Variants in CNTN4 observed in about 807,000 individuals in gnomAD.
The protein encoded by CNTN4 is contactin-4.
CNTN4 carries 77 observed loss-of-function variants against 122.5 expected under a neutral mutation model. The ratio of observed to expected loss-of-function variants is 0.63; its 90% CI spans 0.52 to 0.76. The LOEUF (loss-of-function observed/expected upper bound fraction) is 0.76. Ranked by LOEUF, CNTN4 falls within the 30% of genes least tolerant of loss-of-function variation. CNTN4 has a pLI of 0.00. For missense variants in CNTN4, 1,256 were observed against 1,259.1 expected, an observed-to-expected ratio of 1.00 and a Z score of 0.04; for synonymous variants, 512 against 447.0, an observed-to-expected ratio of 1.15 and a Z score of -1.83.
At chr3:2,632,084 A>G (rs4685538) in intron 4 of CNTN4, among the ~76,000 whole-genome samples, 49 of 126,778 alleles carry the variant, frequency 3.9e-4, no homozygotes, top group Non-Finnish European at 3.5e-4. Flanking sequence ...ACACACACAC[A>G]CGTGTGTGTA....
chr3:2,463,058 A>C (rs1015019714), intron 3 of CNTN4, among the ~76,000 whole-genome samples: 7 of 152,184 alleles, frequency 4.6e-5, no homozygotes, highest in Non-Finnish European at 1.0e-4. Context: ...CTTTTAAGGA[A>C]TGAAGTTGTT....
intron 6 of CNTN4, among the ~76,000 whole-genome samples, chr3:2,811,452 ATTATTTAT>A (rs146081354): frequency 6.8e-6 from 1 of 146,418 alleles, no homozygotes; most frequent in Non-Finnish European, 1.5e-5. Context: ...TTTTTATTTT[ATTATTTAT>A]TTATTTATTT....
At chr3:2,677,292 C>T (rs1301494662) in intron 4 of CNTN4, among the ~76,000 whole-genome samples, 3 of 149,650 alleles carry the variant, frequency 2.0e-5, no homozygotes, top group Non-Finnish European at 3.0e-5. Flanking sequence ...GAACACCAGA[C>T]ATCCAGTGAA....
At chr3:2,677,219 A>C (rs2728013) in intron 4 of CNTN4, among the ~76,000 whole-genome samples, 240 of 150,222 alleles carry the variant, frequency 1.6e-3, no homozygotes, top group African/African-American at 5.6e-3. Context: ...GTATATATAT[A>C]TCTATATAGA....
chr3:2,814,119 A>G (rs1031873732), intron 6 of CNTN4, among the ~76,000 whole-genome samples: 1 of 152,234 alleles, frequency 6.6e-6, no homozygotes. Context: ...CTGCCACACA[A>G]TTGTACAATC....
At chr3:2,901,948 T>C (rs191163760) in intron 11 of CNTN4, among the ~76,000 whole-genome samples, 1 of 152,270 alleles carries the variant, frequency 6.6e-6, no homozygotes, top group Admixed American at 6.5e-5. Flanking sequence ...AGGAGTGAAC[T>C]CAGTGAGACC....
chr3:3,030,833 C>T (rs991595397), intron 15 of CNTN4, 22 bp from the exon 16 acceptor site: 1 of 1,613,508 alleles, frequency 6.2e-7, no homozygotes, highest in African/African-American at 1.3e-5. Context: ...GTAATTGCAG[C>T]CACTTTCCCC....
At chr3:2,288,458 C>G (rs1033625990) in intron 2 of CNTN4, among the ~76,000 whole-genome samples, 1 of 152,066 alleles carries the variant, frequency 6.6e-6, no homozygotes, top group African/African-American at 2.4e-5. Context: ...TGGCACTAAG[C>G]CATTTTTGAG....
chr3:2,187,044 G>GT (rs1423197482), intron 2 of CNTN4, among the ~76,000 whole-genome samples: 6 of 152,160 alleles, frequency 3.9e-5, no homozygotes, highest in Admixed American at 3.3e-4. Context: ...TTCTTCTAAG[G>GT]TTTTTTATGG....
chr3:2,924,038 A>C (rs1192890295), intron 12 of CNTN4, among the ~76,000 whole-genome samples: 1 of 152,086 alleles, frequency 6.6e-6, no homozygotes, highest in African/African-American at 2.4e-5. Flanking sequence ...TTCCCTCATA[A>C]ATCTGAGGTA....
At chr3:2,716,327 T>C (rs1360804047) in intron 4 of CNTN4, among the ~76,000 whole-genome samples, 6 of 151,226 alleles carry the variant, frequency 4.0e-5, no homozygotes, top group Non-Finnish European at 8.8e-5. Context: ...TATTATATGA[T>C]ATATCTAATA....
intron 2 of CNTN4, among the ~76,000 whole-genome samples, chr3:2,104,870 G>C (rs2032303462): frequency 6.6e-6 from 1 of 152,178 alleles, no homozygotes; most frequent in Non-Finnish European, 1.5e-5. Flanking sequence ...TTGGTTATTT[G>C]CCAAATAAAT....
intron 2 of CNTN4, among the ~76,000 whole-genome samples, chr3:2,285,139 G>A (rs1407263071): frequency 2.0e-5 from 3 of 151,976 alleles, no homozygotes; most frequent in Non-Finnish European, 4.4e-5. Flanking sequence ...ATTCAAAAAT[G>A]GTGGTAACTA....
chr3:2,284,941 T>C (rs184766155), intron 2 of CNTN4, among the ~76,000 whole-genome samples: 1 of 152,090 alleles, frequency 6.6e-6, no homozygotes, highest in Non-Finnish European at 1.5e-5. Flanking sequence ...TAATGCTTCA[T>C]CAGTTGTTAT....
chr3:2,658,377 C>T (rs2083698949), intron 4 of CNTN4, among the ~76,000 whole-genome samples: 2 of 152,128 alleles, frequency 1.3e-5, no homozygotes, highest in Non-Finnish European at 2.9e-5. Context: ...ATGGGACAGA[C>T]AAGGACCCCA....
chr3:2,186,370 G>C (rs961262247), intron 2 of CNTN4, among the ~76,000 whole-genome samples: 2 of 152,136 alleles, frequency 1.3e-5, no homozygotes, highest in Non-Finnish European at 2.9e-5. Context: ...TTGCTATTGT[G>C]AATAGTGCCG....
rs556674779 is a variant in CNTN4, at chr3:2,529,902, C to T, written c.-88-41514C>T. Among the ~76,000 whole-genome samples the T allele has an allele frequency of 2.1e-3, 327 of 152,234 alleles. 1 individual carries two copies. The highest frequency in any genetic ancestry group is 3.4e-3 in the Non-Finnish European group (233 of 68,008). On this transcript the variant is annotated intron_variant, in intron 3 of 24. Transcript: ENST00000418658. ...TCCTTTAACAGCTGCTGGTTTGATT[C>T]CAGTTAGGCTTCTATTTTCTTGGCC... is the stretch of plus-strand genomic sequence containing the variant.
chr3:2,532,045 A>G (rs1014757013), intron 3 of CNTN4, among the ~76,000 whole-genome samples: 2 of 152,198 alleles, frequency 1.3e-5, no homozygotes, highest in Non-Finnish European at 2.9e-5. Context: ...TTTTGAGAGT[A>G]ATTGACTTCT....
rs1284555496 is a variant in CNTN4 at position 2,286,250 on chromosome 3, A to G, written c.-144-52928A>G. On this transcript the variant is annotated intron_variant, in intron 2 of 24. Transcript: ENST00000418658. ...ATACACCCCCTGCCCCCCCCACAAC[A>G]TACACATACAAATACATATTTGGAC... 4.2e-5 allele frequency among the ~76,000 whole-genome samples: 6 copies of G among 142,196 alleles called. No individual in the cohort carries two copies. The East Asian group carries it at 8.5e-4, about 20-fold the overall frequency. 93.3% of individuals were successfully genotyped at this position (142,196 alleles called of 152,430 possible).
Sources: gnomAD v4.1 joint callset for allele counts (sites outside exome capture counted in the v4.1 genomes callset) on GRCh38, gnomAD v4.1.1 for gene constraint, MANE v1.5 for transcripts, NCBI Gene and HGNC (gene_info 2026-07-23, HGNC 2026-07-21) for gene names.